The following CTNNA2 variants were observed in gnomAD, a reference collection of about 807,000 sequenced individuals.
CTNNA2 encodes catenin alpha-2.
Under a neutral mutation model 101.0 loss-of-function variants are expected in CTNNA2, and 42 were observed. That is an observed-to-expected ratio of 0.42 (90% CI 0.32 to 0.54). The LOEUF (loss-of-function observed/expected upper bound fraction) is 0.54. CTNNA2 is among the 20% of genes least tolerant of loss of function. The pLI, the probability that CTNNA2 is intolerant of heterozygous loss-of-function variation, is 0.14. For missense variants in CTNNA2, 871 were observed against 1,223.1 expected (o/e 0.71, Z 4.29); for synonymous variants, 450 against 456.4 (o/e 0.99, Z 0.18).
intron 7 of CTNNA2, among the ~76,000 whole-genome samples, chr2:80,130,862 CT>C (rs1379100532): frequency 6.6e-6 from 1 of 150,734 alleles, no homozygotes; most frequent in Non-Finnish European, 1.5e-5. Context: ...AGAAATGAGG[CT>C]TACAACAAGA....
chr2:80,416,639 C>T (rs1680071527), intron 8 of CTNNA2, among the ~76,000 whole-genome samples: 4 of 151,996 alleles, frequency 2.6e-5, no homozygotes, highest in Non-Finnish European at 1.5e-5. Context: ...TTCCCTTTCT[C>T]ATCCCCTTTT....
chr2:80,064,061 A>C (rs1697799807), intron 7 of CTNNA2, among the ~76,000 whole-genome samples: 1 of 152,226 alleles, frequency 6.6e-6, no homozygotes, highest in Admixed American at 6.5e-5. Flanking sequence ...TGAGGGAAAA[A>C]GAGGAGAGGG....
chr2:79,578,386 G>T (rs988204731), intron 1 of CTNNA2, among the ~76,000 whole-genome samples: 1 of 152,032 alleles, frequency 6.6e-6, no homozygotes, highest in African/African-American at 2.4e-5. Flanking sequence ...TCAAGATAGT[G>T]AATTAATAAT....
chr2:80,322,788 G>A (rs942728165), intron 7 of CTNNA2, among the ~76,000 whole-genome samples: 2 of 152,162 alleles, frequency 1.3e-5, no homozygotes, highest in African/African-American at 4.8e-5. Flanking sequence ...GTGCCACTCG[G>A]GGGCCATACT....
chr2:80,070,396 A>G (rs2148776909), intron 7 of CTNNA2, among the ~76,000 whole-genome samples: 1 of 152,228 alleles, frequency 6.6e-6, no homozygotes, highest in Non-Finnish European at 1.5e-5. Context: ...AAGCAACAGA[A>G]ATTTGTTTTT....
intron 9 of CTNNA2, among the ~76,000 whole-genome samples, chr2:80,477,040 G>A (rs538749833): frequency 1.1e-4 from 16 of 152,154 alleles, no homozygotes; most frequent in Non-Finnish European, 2.4e-4. Flanking sequence ...ACTATTTAGA[G>A]TATATTGGGT....
chr2:80,616,937 T>G (rs749019724), intron 17 of CTNNA2, among the ~76,000 whole-genome samples: 11 of 151,734 alleles, frequency 7.2e-5, no homozygotes, highest in South Asian at 2.1e-4. Flanking sequence ...ATTGGGTTCC[T>G]GAAGTCATTT....
chr2:79,985,979 C>T (rs1273616252), intron 7 of CTNNA2, among the ~76,000 whole-genome samples: 9 of 152,146 alleles, frequency 5.9e-5, no homozygotes, highest in Non-Finnish European at 8.8e-5. Flanking sequence ...ATTTGCTTTC[C>T]GAATGTGCCT....
At chr2:79,633,912 C>A (rs1318886826) in intron 1 of CTNNA2, 1 of 152,156 alleles carries the variant, frequency 6.6e-6, no homozygotes, top group African/African-American at 2.4e-5. Flanking sequence ...CCTTAAGGAA[C>A]CTCTCAAATA....
chr2:80,006,224 A>C (rs1411594083), intron 7 of CTNNA2, among the ~76,000 whole-genome samples: 1 of 152,122 alleles, frequency 6.6e-6, no homozygotes, highest in African/African-American at 2.4e-5. Flanking sequence ...ACCTGTACAC[A>C]CTTTTAGAAT....
At chr2:80,445,631 G>T (rs1275517018) in intron 9 of CTNNA2, among the ~76,000 whole-genome samples, 2 of 152,204 alleles carry the variant, frequency 1.3e-5, no homozygotes, top group Non-Finnish European at 2.9e-5. Flanking sequence ...GTAGTGGTCT[G>T]CATTAGAACC....
chr2:79,288,653 A>G lies in CTNNA2; in HGVS notation c.-405-24056A>G, dbSNP rs532488545. 2.0e-5 allele frequency among the ~76,000 whole-genome samples: 3 copies of G among 152,082 alleles called. No individual in the cohort carries two copies. The East Asian group carries it at 5.8e-4, about 29-fold the overall frequency. ...CCATGTGGCTAGCTTAAGCTTCCTC[A>G]TACCATGGTGGCTTTGGAGTTCCAA... On this transcript the variant is annotated intron_variant, in intron 2 of 21. Coordinates refer to the CTNNA2 transcript ENST00000466387.
intron 7 of CTNNA2, among the ~76,000 whole-genome samples, chr2:80,087,769 A>G (rs1699541757): frequency 6.6e-6 from 1 of 152,020 alleles, no homozygotes; most frequent in Admixed American, 6.6e-5. Context: ...TGATGCCCAT[A>G]TGGCTGGTTT....
intron 4 of CTNNA2, among the ~76,000 whole-genome samples, chr2:79,385,703 G>A (rs1678092049): frequency 6.6e-6 from 1 of 151,780 alleles, no homozygotes; most frequent in Admixed American, 6.6e-5. Context: ...CCCCCAACAG[G>A]CCCGGGTGTG....
At chr2:79,205,299 GA>G (rs1248418090) in intron 2 of CTNNA2, among the ~76,000 whole-genome samples, 2 of 152,200 alleles carry the variant, frequency 1.3e-5, no homozygotes, top group East Asian at 3.9e-4. Context: ...GGACATGAGA[GA>G]AAAAGCTTCC....
In CTNNA2 at chr2:79,620,260, C is replaced by T. The variant is rs141298317; in HGVS notation, c.-5-31292C>T. On this transcript the variant is annotated intron_variant, in intron 1 of 18. Coordinates refer to ENST00000402739, the MANE Select transcript of CTNNA2 (RefSeq NM_001282597.3). ...CTCCAACTGCCCTTCCCTGTACATT[C>T]GCCTGTGGGTCCCACTTCTGAAGTC... 3.5e-3 allele frequency among the ~76,000 whole-genome samples: 526 copies of T among 152,308 alleles called. 2 individuals carry two copies. Among genetic ancestry groups the T allele is most frequent in the Middle Eastern group, 0.014 (4 of 294 alleles).
At chr2:80,090,776 A>G (rs1699746138) in intron 7 of CTNNA2, among the ~76,000 whole-genome samples, 1 of 152,116 alleles carries the variant, frequency 6.6e-6, no homozygotes, top group South Asian at 2.1e-4. Flanking sequence ...TGAGTATAGT[A>G]GAGGTAATCC....
At chr2:80,294,464 A>G (rs896081379) in intron 7 of CTNNA2, among the ~76,000 whole-genome samples, 7 of 151,304 alleles carry the variant, frequency 4.6e-5, no homozygotes, top group African/African-American at 1.7e-4. Context: ...CCCTGACCCC[A>G]TGGAGCCCTG....
At chr2:79,990,000 TC>T (rs1692054871) in intron 7 of CTNNA2, among the ~76,000 whole-genome samples, 1 of 152,186 alleles carries the variant, frequency 6.6e-6, no homozygotes, top group Non-Finnish European at 1.5e-5. Flanking sequence ...GACTTGGATC[TC>T]AAATTCATGA....
Sources: allele counts gnomAD v4.1 joint callset (sites outside exome capture counted in the v4.1 genomes callset), GRCh38; gene constraint gnomAD v4.1.1; transcripts MANE v1.5; gene names NCBI Gene and HGNC (gene_info 2026-07-23, HGNC 2026-07-21).